The following RHD variants were observed in gnomAD, a reference collection of about 807,000 sequenced individuals.
RHD encodes the protein Rh blood group D antigen.
RHD carries 16 observed loss-of-function variants against 45.5 expected under a neutral mutation model. The observed-to-expected ratio is 0.35, with a 90% CI of 0.24 to 0.53. The LOEUF (loss-of-function observed/expected upper bound fraction) is 0.53, where lower values mean the gene tolerates loss of function less well. RHD is among the 20% of genes least tolerant of loss of function. The pLI is 0.92. For missense variants in RHD, 306 were observed against 532.0 expected, an observed-to-expected ratio of 0.58 and a Z score of 4.18; for synonymous variants, 131 against 217.5, an observed-to-expected ratio of 0.60 and a Z score of 3.50.
chr1:25,316,584 G>A (rs1342101126), intron 7 of RHD, among the ~76,000 whole-genome samples: 33 of 84,726 alleles, frequency 3.9e-4, no homozygotes, highest in African/African-American at 1.1e-3. Flanking sequence ...CAGTCTGGAC[G>A]ACAGAGTGAG....
At chr1:25,312,913 C>T (rs1349619108) in intron 7 of RHD, among the ~76,000 whole-genome samples, 2 of 10,238 alleles carry the variant, frequency 2.0e-4, no homozygotes, top group Non-Finnish European at 3.5e-4. Context: ...GAGCAAAATC[C>T]CATCTCTAAA....
At chr1:25,299,095 A>C (rs958098839) in intron 3 of RHD, among the ~76,000 whole-genome samples, 3 of 126,986 alleles carry the variant, frequency 2.4e-5, no homozygotes, top group African/African-American at 8.1e-5. Flanking sequence ...AAAAAAAAAA[A>C]AACAGGCTGG....
rs1221603352 is a variant in RHD at position 25,318,418 on chromosome 1, T to A, written c.1153+1339T>A. 4.6e-5 allele frequency: 6 copies of A among 131,322 alleles called. No homozygotes were observed. The East Asian group carries it at 1.2e-3, about 26-fold the overall frequency. The allele number at this position is 131,322 out of a possible 1,614,324, so 8.1% of individuals were successfully genotyped here. A position where few individuals can be genotyped will look rare whatever the true frequency, so the allele number is the denominator to read the frequency against. On this transcript the variant is annotated intron_variant, in intron 8 of 9. Transcript: ENST00000328664. Reference sequence around the variant, plus strand: ...GCCTGACCAACATGGCAAAACCCTGTCTCTACCAGAAATACAAAAATTAGC... The same window carrying A: ...GCCTGACCAACATGGCAAAACCCTGACTCTACCAGAAATACAAAAATTAGC...
At chr1:25,305,583 TTTGTTGTTG>T (rs200713124) in intron 6 of RHD, among the ~76,000 whole-genome samples, 3,352 of 118,906 alleles carry the variant, frequency 0.028, 724 homozygotes, top group Non-Finnish European at 0.046. Context: ...GTGTATGTAT[TTTGTTGTTG>T]TTGTTGTTGT....
rs1293722385 is a variant in RHD, at chr1:25,306,050, G to A, written c.940-546G>A. Among the ~76,000 whole-genome samples the A allele has an allele frequency of 2.3e-5, 3 of 131,776 alleles. 1 individual carries two copies. The highest frequency in any genetic ancestry group is 3.6e-5 in the Non-Finnish European group (2 of 55,844). The allele number at this position is 131,776 out of a possible 152,430, so 86.5% of individuals were successfully genotyped here. ...TTACTGAGTAGGGATCTGAAGGTGT[G>A]GCCTCATGCTTTCTTTCTAACCAGC... On this transcript the variant is annotated intron_variant, in intron 6 of 9. Coordinates refer to ENST00000328664, the MANE Select transcript of RHD (RefSeq NM_016124.6).
intron 3 of RHD, among the ~76,000 whole-genome samples, chr1:25,298,313 T>C (rs1643110282): frequency 1.6e-5 from 2 of 123,934 alleles, no homozygotes; most frequent in South Asian, 5.8e-4. Flanking sequence ...TCATAACGAT[T>C]GCTTTAAAAG....
chr1:25,274,843 C>A (rs1447099694), intron 1 of RHD, among the ~76,000 whole-genome samples: 1 of 131,806 alleles, frequency 7.6e-6, no homozygotes, highest in South Asian at 2.3e-4. Flanking sequence ...CGCATCTCTA[C>A]TAAAATTATA....
At chr1:25,281,186 C>A (rs1276123213) in intron 1 of RHD, among the ~76,000 whole-genome samples, 1 of 132,064 alleles carries the variant, frequency 7.6e-6, no homozygotes, top group East Asian at 2.0e-4. Context: ...CAGAGCTGGG[C>A]TCTGCTGCCG....
At chr1:25,276,532 T>TAAAAAAAAAAAAAAAAAAAAAAACAA (rs1641004455) in intron 1 of RHD, among the ~76,000 whole-genome samples, 1 of 64,786 alleles carries the variant, frequency 1.5e-5, no homozygotes, top group African/African-American at 7.2e-5. Flanking sequence ...CCCCCATCTC[T>TAAAAAAAAAAAAAAAAAAAAAAACAA]AAAAAAAAAA....
intron 1 of RHD, among the ~76,000 whole-genome samples, chr1:25,283,889 G>A (rs551500328): frequency 7.5e-6 from 1 of 134,066 alleles, no homozygotes; most frequent in South Asian, 2.2e-4. Flanking sequence ...CGCTTTGCTG[G>A]GCCCCTCCCT....
chr1:25,317,814 C>T lies in RHD; in HGVS notation c.1153+735C>T, dbSNP rs563005116. Among the ~76,000 whole-genome samples the T allele has an allele frequency of 4.9e-5, 4 of 82,224 alleles. No homozygotes were observed. In the East Asian group the frequency reaches 9.6e-4, roughly 20 times the overall value. 53.9% of individuals were successfully genotyped at this position (82,224 alleles called of 152,430 possible). A position where few individuals can be genotyped will look rare whatever the true frequency, so the allele number is the denominator to read the frequency against. On this transcript the variant is annotated intron_variant, in intron 8 of 9. Coordinates refer to ENST00000328664, the MANE Select transcript of RHD (RefSeq NM_016124.6). The stretch of plus-strand genomic sequence containing the variant: ...CAGCATGCTTTGTGTGTTGAGGGAA[C>T]AGTAAGGAGACCAGTGTGGTTGGTG...
Position 25,301,216 on chromosome 1 carries a change from C to T in RHD, c.634+123C>T, listed in dbSNP as rs1382338823. On this transcript the variant is annotated intron_variant, in intron 4 of 9. Transcript: ENST00000328664. ...CCCTGGGTGTCTGAAGCCCTTCCAT[C>T]ATGATTCATTTCTTTGAGTAGTGTT... 8 of 983,468 alleles carry T rather than the reference C, an allele frequency of 8.1e-6. 1 individual carries two copies. Among genetic ancestry groups the T allele is most frequent in the Middle Eastern group, 3.1e-4 (1 of 3,274 alleles). The allele number at this position is 983,468 out of a possible 1,614,324, so 60.9% of individuals were successfully genotyped here. A position where few individuals can be genotyped will look rare whatever the true frequency, so the allele number is the denominator to read the frequency against.
Position 25,308,979 on chromosome 1 carries a change from T to A in RHD, c.1073+2250T>A, listed in dbSNP as rs1215922676. On this transcript the variant is annotated intron_variant, in intron 7 of 9. Coordinates refer to ENST00000328664, the MANE Select transcript of RHD (RefSeq NM_016124.6). The stretch of plus-strand genomic sequence containing the variant: ...GATTTAGCAACAGAACATAGCCCCG[T>A]TCTTTATGATGACTGATGCTGCATC... Among the ~76,000 whole-genome samples, 2 of 131,696 alleles carry A rather than the reference T, an allele frequency of 1.5e-5. 1 individual carries two copies. The highest frequency in any genetic ancestry group is 5.3e-5 in the African/African-American group (2 of 37,986). 86.4% of individuals were successfully genotyped at this position (131,696 alleles called of 152,430 possible).
chr1:25,300,006 T>A (rs1571662757), intron 3 of RHD, among the ~76,000 whole-genome samples: 1 of 131,410 alleles, frequency 7.6e-6, no homozygotes, highest in African/African-American at 2.6e-5. Context: ...CACCTCAGCC[T>A]CCCAAAGTGC....
At position 25,300,939 on chromosome 1, in the gene RHD, A is replaced by T; in HGVS notation, c.487-7A>T. On this transcript the variant is annotated splice_polypyrimidine_tract_variant and splice_region_variant and intron_variant, in intron 3 of 9. Coordinates refer to ENST00000328664, the MANE Select transcript of RHD (RefSeq NM_016124.6). ...ACACTCACTGCTCTTACTGGGTTTT[A>T]TTGCAGACAGACTACCACATGAACA... 7.3e-7 allele frequency: 1 copy of T among 1,377,742 alleles called. No homozygotes were observed. Among genetic ancestry groups the T allele is most frequent in the Middle Eastern group, 1.8e-4 (1 of 5,498 alleles). 85.3% of individuals were successfully genotyped at this position (1,377,742 alleles called of 1,614,324 possible).
intron 5 of RHD, among the ~76,000 whole-genome samples, chr1:25,302,546 G>T (rs535234667): frequency 7.7e-6 from 1 of 130,110 alleles, no homozygotes; most frequent in Admixed American, 7.5e-5. Context: ...GGGAAGCCCA[G>T]AGGCTAATCC....
At chr1:25,277,096 C>T (rs1353708608) in intron 1 of RHD, among the ~76,000 whole-genome samples, 1 of 131,960 alleles carries the variant, frequency 7.6e-6, no homozygotes, top group South Asian at 2.3e-4. Flanking sequence ...ATAAATGAAA[C>T]ATAAAACCCT....
rs1479082325 is a variant in RHD at position 25,295,847 on chromosome 1, GA to G, written c.486+5059del. Among the ~76,000 whole-genome samples, 210 of 104,100 alleles carry G rather than the reference GA, an allele frequency of 2.0e-3. 48 individuals are homozygous for G. Among genetic ancestry groups the G allele is most frequent in the African/African-American group, 4.4e-3 (138 of 31,152 alleles). The allele number at this position is 104,100 out of a possible 152,430, so 68.3% of individuals were successfully genotyped here. On this transcript the variant is annotated intron_variant, in intron 3 of 9. Transcript: ENST00000328664. The stretch of plus-strand genomic sequence containing the variant: ...AACAATGGTCTGGGAGGGAATATGG[GA>G]AATTTTTTTTTTTTTTTTTTTTTTT...
At position 25,329,029 on chromosome 1, in the gene RHD, A is replaced by G. The variant is rs749521782; in HGVS notation, c.*105A>G. ...AAACGCTCATGACAGCAAAGTCTCCAATGTTCGCGCAGGCACTGGAGTCAG... is the reference window on the plus strand; with the variant it reads ...AAACGCTCATGACAGCAAAGTCTCCGATGTTCGCGCAGGCACTGGAGTCAG... On this transcript the variant is annotated 3_prime_UTR_variant, in exon 10 of 10. Transcript: ENST00000328664. 1 of 1,378,310 alleles carries G rather than the reference A, an allele frequency of 7.3e-7. No individual in the cohort carries two copies. Among genetic ancestry groups the G allele is most frequent in the East Asian group, 2.2e-5 (1 of 44,582 alleles). 85.4% of individuals were successfully genotyped at this position (1,378,310 alleles called of 1,614,324 possible). A position where few individuals can be genotyped will look rare whatever the true frequency, so the allele number is the denominator to read the frequency against.
Sources: allele counts gnomAD v4.1 joint callset (sites outside exome capture counted in the v4.1 genomes callset), GRCh38; gene constraint gnomAD v4.1.1; transcripts MANE v1.5; gene names NCBI Gene and HGNC (gene_info 2026-07-23, HGNC 2026-07-21).